FTO: variants seen among roughly 807,000 people sequenced by gnomAD.
The protein encoded by FTO is alpha-ketoglutarate-dependent dioxygenase FTO.
A neutral mutation model predicts 63.9 loss-of-function variants in FTO; 47 were observed. That is an observed-to-expected ratio of 0.74 (90% CI 0.58 to 0.94). The LOEUF (loss-of-function observed/expected upper bound fraction) is 0.94. FTO is among the 40% of genes least tolerant of loss of function. The pLI is 0.00. For missense variants in FTO, 562 were observed against 618.1 expected (o/e 0.91, Z 0.96); for synonymous variants, 207 against 224.4 (o/e 0.92, Z 0.69).
At position 53,819,408 on chromosome 16, in the gene FTO, G is replaced by A. The variant is rs545878139; in HGVS notation, c.124-6456G>A. On this transcript the variant is annotated intron_variant, in intron 2 of 8. Coordinates refer to ENST00000471389, the MANE Select transcript of FTO (RefSeq NM_001080432.3). ...GCTAGTCTCGAGCTCGTCAGCTCAA[G>A]CAATACACCCGCCTGAGTCTCCCAA... 3.9e-5 allele frequency among the ~76,000 whole-genome samples: 6 copies of A among 152,292 alleles called. No homozygotes were observed. The East Asian group carries it at 1.2e-3, about 29-fold the overall frequency.
intron 8 of FTO, among the ~76,000 whole-genome samples, chr16:54,083,934 A>G (rs74019727): frequency 0.016 from 2,395 of 152,294 alleles, 61 homozygotes; most frequent in African/African-American, 0.055. Context: ...TTCCATGTAC[A>G]GGTTAAGCAT....
chr16:53,725,814 A>G (rs2076139628), intron 1 of FTO, among the ~76,000 whole-genome samples: 1 of 152,032 alleles, frequency 6.6e-6, no homozygotes, highest in Admixed American at 6.5e-5. Context: ...ATATAAAATC[A>G]TTTTCAAGTT....
At chr16:53,744,435 T>C (rs1334693799) in intron 1 of FTO, among the ~76,000 whole-genome samples, 1 of 152,198 alleles carries the variant, frequency 6.6e-6, no homozygotes, top group African/African-American at 2.4e-5. Context: ...GTGCTTAGTA[T>C]CTCTAGTTGA....
At chr16:53,883,547 G>C (rs935553028) in intron 6 of FTO, among the ~76,000 whole-genome samples, 1 of 150,728 alleles carries the variant, frequency 6.6e-6, no homozygotes, top group Admixed American at 6.6e-5. Context: ...GCTTGAACCC[G>C]GGAGGCAGAA....
intron 3 of FTO, among the ~76,000 whole-genome samples, chr16:53,831,343 G>A (rs958116522): frequency 2.0e-5 from 3 of 151,988 alleles, no homozygotes; most frequent in Non-Finnish European, 4.4e-5. Context: ...ATACTGCTCA[G>A]TAAAACTTGT....
intron 1 of FTO, among the ~76,000 whole-genome samples, chr16:53,765,040 C>T (rs528231186): frequency 4.6e-5 from 7 of 152,038 alleles, no homozygotes; most frequent in Non-Finnish European, 8.8e-5. Context: ...TAAATTCTAC[C>T]TCTGATCGTA....
At chr16:53,720,279 C>G (rs967964310) in intron 1 of FTO, among the ~76,000 whole-genome samples, 5 of 152,082 alleles carry the variant, frequency 3.3e-5, no homozygotes, top group East Asian at 1.9e-4. Context: ...GGGATAATAA[C>G]TCCCTTCCCT....
intron 1 of FTO, among the ~76,000 whole-genome samples, chr16:53,792,190 C>T (rs2077941306): frequency 6.6e-6 from 1 of 152,136 alleles, no homozygotes; most frequent in Non-Finnish European, 1.5e-5. Flanking sequence ...TATTATAAAC[C>T]TCTAAAATAG....
At chr16:54,029,250 C>T (rs149435003) in intron 8 of FTO, among the ~76,000 whole-genome samples, 31 of 152,270 alleles carry the variant, frequency 2.0e-4, no homozygotes, top group African/African-American at 7.2e-4. Context: ...TGAATGCTAG[C>T]CACACTGAGA....
intron 1 of FTO, among the ~76,000 whole-genome samples, chr16:53,806,022 GC>G (rs1238754621): frequency 2.6e-5 from 4 of 152,210 alleles, no homozygotes; most frequent in Admixed American, 1.3e-4. Flanking sequence ...GCAGCAGTTA[GC>G]CAGATCTGAC....
intron 8 of FTO, among the ~76,000 whole-genome samples, chr16:54,097,244 A>G (rs2086535288): frequency 6.6e-6 from 1 of 152,164 alleles, no homozygotes; most frequent in African/African-American, 2.4e-5. Context: ...GTAGTGGCAG[A>G]ACTGGGTCTT....
At position 53,879,845 on chromosome 16, in the gene FTO, G is replaced by A; in HGVS notation, c.977G>A (p.Cys326Tyr). The A allele has an allele frequency of 6.2e-7, 1 of 1,613,962 alleles. No homozygotes were observed. Among genetic ancestry groups the A allele is most frequent in the Non-Finnish European group, 8.5e-7 (1 of 1,179,918 alleles). Residue 326 changes from cysteine (C) to tyrosine (Y), a missense_variant and splice_region_variant, in exon 6 of 9, where the codon TGC becomes TAC. Transcript: ENST00000471389. Reference protein sequence around the residue: ...RFSSTHRVAECSTGTLDYILQ... With the variant: ...RFSSTHRVAEYSTGTLDYILQ... ...TGATTGCTGGTTCTGTCTCAACAGT[G>A]CTCAACAGGAACCTTGGATTATATT...
At chr16:53,941,881 G>A (rs2082537708) in intron 8 of FTO, among the ~76,000 whole-genome samples, 1 of 152,170 alleles carries the variant, frequency 6.6e-6, no homozygotes, top group African/African-American at 2.4e-5. Context: ...CCAGATCTTT[G>A]TAACATTAAG....
chr16:54,058,883 GGTT>G (rs376277393), intron 8 of FTO, among the ~76,000 whole-genome samples: 310 of 152,294 alleles, frequency 2.0e-3, no homozygotes, highest in African/African-American at 7.2e-3. Flanking sequence ...TTGTGGTGGT[GGTT>G]GTTTTAAATA....
chr16:54,006,708 G>T (rs1435326792), intron 8 of FTO, among the ~76,000 whole-genome samples: 3 of 152,226 alleles, frequency 2.0e-5, no homozygotes, highest in Admixed American at 6.5e-5. Flanking sequence ...AATCAAAACT[G>T]CAGAGAACTA....
chr16:53,724,670 C>T (rs376644819), intron 1 of FTO, among the ~76,000 whole-genome samples: 14 of 152,260 alleles, frequency 9.2e-5, no homozygotes, highest in African/African-American at 3.1e-4. Context: ...CCATTATTCC[C>T]CCCAGTAAGA....
At chr16:54,060,897 A>T (rs2085553896) in intron 8 of FTO, among the ~76,000 whole-genome samples, 1 of 152,184 alleles carries the variant, frequency 6.6e-6, no homozygotes, top group Non-Finnish European at 1.5e-5. Context: ...TAAATCATCT[A>T]TAAAAAATAC....
At chr16:54,023,404 C>T (rs1402394652) in intron 8 of FTO, among the ~76,000 whole-genome samples, 1 of 152,174 alleles carries the variant, frequency 6.6e-6, no homozygotes, top group Admixed American at 6.5e-5. Context: ...TTAGGGCTTT[C>T]GTTCAAATAA....
chr16:53,944,498 A>G (rs368942958), intron 8 of FTO, among the ~76,000 whole-genome samples: 12 of 152,244 alleles, frequency 7.9e-5, no homozygotes, highest in African/African-American at 2.7e-4. Context: ...TTTCCATTGT[A>G]TAAAGTTTGT....
Sources: gnomAD v4.1 joint callset for allele counts (sites outside exome capture counted in the v4.1 genomes callset) on GRCh38, gnomAD v4.1.1 for gene constraint, MANE v1.5 for transcripts, NCBI Gene and HGNC (gene_info 2026-07-23, HGNC 2026-07-21) for gene names.